Variants in CCM2 observed in about 807,000 individuals in gnomAD.
CCM2 encodes the protein cerebral cavernous malformations 2 protein.
Under a neutral mutation model 44.9 loss-of-function variants are expected in CCM2, and 25 were observed. That is an observed-to-expected ratio of 0.56 (90% CI 0.41 to 0.78). The LOEUF (loss-of-function observed/expected upper bound fraction) is 0.78. Ranked by LOEUF, CCM2 falls within the 30% of genes least tolerant of loss-of-function variation. The pLI, the probability that CCM2 is intolerant of heterozygous loss-of-function variation, is 0.00. For synonymous variants in CCM2, 219 were observed against 241.1 expected (o/e 0.91, Z 0.85); for missense variants, 481 against 580.6 (o/e 0.83, Z 1.76).
intron 2 of CCM2, among the ~76,000 whole-genome samples, chr7:45,039,230 G>A (rs1216415234): frequency 6.6e-6 from 1 of 152,202 alleles, no homozygotes; most frequent in African/African-American, 2.4e-5. Flanking sequence ...CTGGTACAGG[G>A]GCAGGTGGGG....
chr7:45,018,352 A>T (rs1045029359), intron 1 of CCM2, among the ~76,000 whole-genome samples: 6 of 151,868 alleles, frequency 4.0e-5, no homozygotes, highest in African/African-American at 1.4e-4. Context: ...AGCATTTTTT[A>T]TTATTTATTT....
At chr7:45,021,305 G>A (rs1202950458) in intron 1 of CCM2, among the ~76,000 whole-genome samples, 1 of 152,070 alleles carries the variant, frequency 6.6e-6, no homozygotes, top group Admixed American at 6.6e-5. Flanking sequence ...GCTCACGCCT[G>A]TAATCTCAGC....
chr7:45,042,418 A>G (rs986067131), intron 2 of CCM2, among the ~76,000 whole-genome samples: 16 of 152,190 alleles, frequency 1.1e-4, no homozygotes, highest in Admixed American at 4.6e-4. Context: ...GCAAAGGACA[A>G]ACTTAAAAGA....
intron 4 of CCM2, among the ~76,000 whole-genome samples, chr7:45,067,094 A>T (rs1013971072): frequency 6.6e-6 from 1 of 150,904 alleles, no homozygotes; most frequent in Non-Finnish European, 1.5e-5. Flanking sequence ...TAGAGATAGT[A>T]TTTCACCGTG....
chr7:45,065,835 G>A (rs1798746297), intron 4 of CCM2, among the ~76,000 whole-genome samples: 1 of 152,200 alleles, frequency 6.6e-6, no homozygotes, highest in Admixed American at 6.5e-5. Context: ...AGAAGGCTGG[G>A]TTGGTGGCTC....
intron 1 of CCM2, among the ~76,000 whole-genome samples, chr7:45,026,081 G>T (rs1280055333): frequency 1.3e-5 from 2 of 152,170 alleles, no homozygotes; most frequent in Non-Finnish European, 2.9e-5. Flanking sequence ...TCCCCTCCCT[G>T]CAGTAGCCAA....
intron 4 of CCM2, among the ~76,000 whole-genome samples, chr7:45,064,940 G>T (rs1798701119): frequency 6.6e-6 from 1 of 152,142 alleles, no homozygotes; most frequent in Admixed American, 6.5e-5. Context: ...CTCCCTCTGG[G>T]TACAGTGGAG....
intron 1 of CCM2, among the ~76,000 whole-genome samples, chr7:45,009,913 C>CT (rs771106378): frequency 0.042 from 5,959 of 142,770 alleles, 371 homozygotes; most frequent in African/African-American, 0.14. Flanking sequence ...GAAATACACA[C>CT]TTTTTTTTTT....
intron 1 of CCM2, among the ~76,000 whole-genome samples, chr7:45,035,826 CAT>C (rs148493896): frequency 2.1e-3 from 314 of 150,136 alleles, no homozygotes; most frequent in East Asian, 7.2e-3. Context: ...TACATATATA[CAT>C]ATATATATAT....
At chr7:45,052,100 C>T (rs1798041213) in intron 2 of CCM2, among the ~76,000 whole-genome samples, 1 of 152,234 alleles carries the variant, frequency 6.6e-6, no homozygotes, top group South Asian at 2.1e-4. Context: ...TGTCCCACAT[C>T]GGAAACCACA....
chr7:45,031,621 G>A (rs923747642), intron 1 of CCM2, among the ~76,000 whole-genome samples: 1 of 152,036 alleles, frequency 6.6e-6, no homozygotes, highest in African/African-American at 2.4e-5. Flanking sequence ...GCAGTGGTGT[G>A]ATCACAGCTC....
rs1344252135 is a variant in CCM2 at position 45,016,990 on chromosome 7, C to T, written c.30+16627C>T. The stretch of plus-strand genomic sequence containing the variant: ...TTCACCATGTTAGCCAGGATGGTCT[C>T]GATCTCCTGACCTCGTGATCCACCT... On this transcript the variant is annotated intron_variant, in intron 1 of 9. Transcript: ENST00000258781. 3.3e-5 allele frequency among the ~76,000 whole-genome samples: 5 copies of T among 151,258 alleles called. No homozygotes were observed. The East Asian group carries it at 7.9e-4, about 24-fold the overall frequency.
intron 1 of CCM2, among the ~76,000 whole-genome samples, chr7:45,007,139 T>C (rs190055278): frequency 2.6e-5 from 4 of 152,184 alleles, no homozygotes; most frequent in Non-Finnish European, 4.4e-5. Flanking sequence ...CTGCTCAGAG[T>C]GACAGGACAA....
At chr7:45,005,280 C>T (rs947868819) in intron 1 of CCM2, among the ~76,000 whole-genome samples, 1 of 152,162 alleles carries the variant, frequency 6.6e-6, no homozygotes. Flanking sequence ...GAAGAGTTAC[C>T]ATTTACATAG....
At chr7:45,045,529 C>T (rs894979103) in intron 2 of CCM2, among the ~76,000 whole-genome samples, 4 of 152,320 alleles carry the variant, frequency 2.6e-5, no homozygotes, top group Middle Eastern at 3.4e-3. Context: ...CGGTGGCTCA[C>T]GCCTGTAATC....
At chr7:45,011,911 G>C (rs1796081574) in intron 1 of CCM2, among the ~76,000 whole-genome samples, 1 of 151,756 alleles carries the variant, frequency 6.6e-6, no homozygotes, top group Admixed American at 6.6e-5. Context: ...TGTTGTCCAG[G>C]GTGGTCTTGG....
chr7:45,024,951 T>C (rs1796623848), intron 1 of CCM2, among the ~76,000 whole-genome samples: 1 of 152,236 alleles, frequency 6.6e-6, no homozygotes. Flanking sequence ...TGTGTCCCTC[T>C]TTGATTCTGC....
chr7:45,029,570 T>C (rs1796861692), intron 1 of CCM2: 1 of 152,256 alleles, frequency 6.6e-6, no homozygotes, highest in African/African-American at 2.4e-5. Context: ...GAGTCTGCTT[T>C]TGCTGGTTCT....
At position 45,076,316 on chromosome 7, in the gene CCM2, G is replaced by A; in HGVS notation, c.*259G>A. ...AGCCCTGCAGTGTGTCCCCGCTCGG[G>A]GAGGGCCCGGCCGAGCGGGCAGGGA... On this transcript the variant is annotated 3_prime_UTR_variant, in exon 10 of 10. Coordinates refer to ENST00000258781, the MANE Select transcript of CCM2 (RefSeq NM_031443.4). 3.0e-6 allele frequency: 2 copies of A among 659,474 alleles called. No homozygotes were observed. Among genetic ancestry groups the A allele is most frequent in the Admixed American group, 2.1e-5 (1 of 48,434 alleles). The allele number at this position is 659,474 out of a possible 1,614,324, so 40.9% of individuals were successfully genotyped here.
Sources: allele counts gnomAD v4.1 joint callset (sites outside exome capture counted in the v4.1 genomes callset), GRCh38; gene constraint gnomAD v4.1.1; transcripts MANE v1.5; gene names NCBI Gene and HGNC (gene_info 2026-07-23, HGNC 2026-07-21).